The following DNAH8 variants were observed in gnomAD, a reference collection of about 807,000 sequenced individuals.
DNAH8 encodes dynein axonemal heavy chain 8.
In DNAH8, 382 loss-of-function variants were observed where a neutral mutation model predicts 562.1. That is an observed-to-expected ratio of 0.68 (90% CI 0.63 to 0.74). The LOEUF is 0.74. Ranked by LOEUF, DNAH8 falls within the 30% of genes least tolerant of loss-of-function variation. The pLI is 0.00. For synonymous variants in DNAH8, 1,881 were observed against 1,919.4 expected, an observed-to-expected ratio of 0.98 and a Z score of 0.52; for missense variants, 5,203 against 5,620.4, an observed-to-expected ratio of 0.93 and a Z score of 2.37.
chr6:38,814,765 A>G (rs1032380599), intron 25 of DNAH8, among the ~76,000 whole-genome samples: 3 of 152,162 alleles, frequency 2.0e-5, no homozygotes, highest in Non-Finnish European at 1.5e-5. Flanking sequence ...CCTCAAACAC[A>G]TGACTGTGAG....
intron 9 of DNAH8, among the ~76,000 whole-genome samples, chr6:38,754,062 A>G (rs1427720310): frequency 6.6e-6 from 1 of 152,034 alleles, no homozygotes; most frequent in Non-Finnish European, 1.5e-5. Context: ...TCATGCTTCC[A>G]TTTCTGGTTC....
At chr6:38,805,672 T>C in intron 23 of DNAH8, 76 bp downstream of exon 23, 1 of 768,972 alleles carries the variant, frequency 1.3e-6, no homozygotes, top group Non-Finnish European at 2.1e-6. Context: ...CATATGGTGC[T>C]TTTTCCAGGC....
At chr6:38,796,655 T>C (rs1413008868) in intron 21 of DNAH8, among the ~76,000 whole-genome samples, 1 of 152,200 alleles carries the variant, frequency 6.6e-6, no homozygotes, top group Non-Finnish European at 1.5e-5. Context: ...CTGTTCTGTT[T>C]CGTTCTGATT....
Position 38,770,535 on chromosome 6 carries a change from A to G in DNAH8, c.1740A>G (p.Glu580=), listed in dbSNP as rs1406894172. Residue 580 remains glutamate (E), a synonymous_variant, in exon 12 of 93, where the codon GAA becomes GAG. Transcript: ENST00000327475. ...VSEMYIFGKF[E]AFCKRLEKIT... is the part of the protein sequence containing the mutation. ...AAATGTATATATTTGGAAAATTTGA[A>G]GCTTTTTGCAAAAGACTGGAGAAGG... 7 of 1,602,240 alleles carry G rather than the reference A, an allele frequency of 4.4e-6. No homozygotes were observed. In the South Asian group the frequency reaches 7.9e-5, roughly 18 times the overall value.
intron 17 of DNAH8, 24 bp from the exon 18 acceptor site, chr6:38,786,741 A>C: frequency 6.2e-7 from 1 of 1,604,136 alleles, no homozygotes; most frequent in East Asian, 2.2e-5. Context: ...AGAATGAGTA[A>C]TGTCAATCAT....
intron 5 of DNAH8, among the ~76,000 whole-genome samples, chr6:38,735,704 AAAT>A: frequency 6.6e-6 from 1 of 152,330 alleles, no homozygotes; most frequent in Non-Finnish European, 1.5e-5. Context: ...TCCTTTTATG[AAAT>A]AGTATAAGTC....
chr6:38,731,219 T>A (rs1763638004), intron 4 of DNAH8, among the ~76,000 whole-genome samples: 1 of 152,208 alleles, frequency 6.6e-6, no homozygotes. Context: ...AGCTGAAAAT[T>A]ATAGAAAGAT....
rs547611484 is a variant in DNAH8 at position 38,790,625 on chromosome 6, C to T, written c.2781+220C>T. Among the ~76,000 whole-genome samples, 8 of 152,026 alleles carry T rather than the reference C, an allele frequency of 5.3e-5. No individual in the cohort carries two copies. In the East Asian group the frequency reaches 1.4e-3, roughly 26 times the overall value. ...GGATCACGAGGTCAGGAGTTTGAGA[C>T]CAGCCTGGCCAACATGGTGAAACCC... On this transcript the variant is annotated intron_variant, in intron 20 of 92. Coordinates refer to ENST00000327475, the MANE Select transcript of DNAH8 (RefSeq NM_001206927.2).
intron 22 of DNAH8, among the ~76,000 whole-genome samples, chr6:38,804,760 A>AAT (rs1491414468): frequency 1.3e-5 from 1 of 75,478 alleles, no homozygotes; most frequent in African/African-American, 1.1e-4. Flanking sequence ...CATAGCAAGA[A>AAT]GAGAGAGAGA....
rs76970212 is a variant in DNAH8, at chr6:38,862,636, A to G, written c.6310+178A>G. ...AATGGCTGGATATCAACAGTTTCAT[A>G]TGGTTCAATACTATTGCTAGTGTTA... On this transcript the variant is annotated intron_variant, in intron 44 of 92. Coordinates refer to ENST00000327475, the MANE Select transcript of DNAH8 (RefSeq NM_001206927.2). Among the ~76,000 whole-genome samples the G allele has an allele frequency of 0.01, 1,564 of 152,268 alleles. 89 individuals carry two copies. The East Asian group carries it at 0.15, about 14-fold the overall frequency.
rs200859037 is a variant in DNAH8, at chr6:39,030,230, T to G, written c.13962T>G (p.Ile4654Met). 113 of 1,614,022 alleles carry G rather than the reference T, an allele frequency of 7.0e-5. No individual in the cohort carries two copies. Among genetic ancestry groups the G allele is most frequent in the Non-Finnish European group, 8.6e-5 (102 of 1,180,032 alleles). ...TQLPVLHIFA[I>M]NSTAPKDPKL... The stretch of plus-strand genomic sequence containing the variant: ...TACCCGTGCTCCACATCTTTGCCAT[T>G]AACTCCACGGCACCCAAGGACCCCA... The change falls in exon 93 of 93, where the codon ATT (isoleucine) becomes ATG (methionine). Residue 4654 changes from isoleucine (I) to methionine (M), a missense_variant. Coordinates refer to ENST00000327475, the MANE Select transcript of DNAH8 (RefSeq NM_001206927.2).
intron 88 of DNAH8, among the ~76,000 whole-genome samples, chr6:39,002,357 A>G (rs7755534): frequency 0.014 from 2,103 of 152,326 alleles, 56 homozygotes; most frequent in African/African-American, 0.048. Context: ...TAAATTTCTG[A>G]AAATGTATAT....
At chr6:38,820,024 A>C (rs575557084) in intron 26 of DNAH8, among the ~76,000 whole-genome samples, 6 of 152,352 alleles carry the variant, frequency 3.9e-5, no homozygotes, top group African/African-American at 1.4e-4. Flanking sequence ...ATGTAATACA[A>C]TTCCAAAGAA....
intron 45 of DNAH8, among the ~76,000 whole-genome samples, chr6:38,864,763 T>C (rs1776915797): frequency 6.6e-6 from 1 of 152,212 alleles, no homozygotes; most frequent in Non-Finnish European, 1.5e-5. Flanking sequence ...TTCTCTCACA[T>C]GTACACTGTA....
chr6:38,956,763 A>C (rs1220364791), intron 82 of DNAH8, among the ~76,000 whole-genome samples: 1 of 152,216 alleles, frequency 6.6e-6, no homozygotes, highest in Non-Finnish European at 1.5e-5. Context: ...ACAAAGCAAA[A>C]ACCTATATTA....
At chr6:38,853,149 A>G in intron 40 of DNAH8, 37 bp from the exon 41 acceptor site, 1 of 1,549,184 alleles carries the variant, frequency 6.5e-7, no homozygotes, top group Non-Finnish European at 8.8e-7. Flanking sequence ...ATGCCAAATT[A>G]TTATCAATTT....
chr6:38,838,758 A>G (rs1357500449), intron 33 of DNAH8, among the ~76,000 whole-genome samples: 1 of 152,228 alleles, frequency 6.6e-6, no homozygotes, highest in East Asian at 1.9e-4. Context: ...TAGACATAGA[A>G]TTTATTGAGA....
chr6:38,758,993 A>C (rs945729023), intron 10 of DNAH8, among the ~76,000 whole-genome samples: 11 of 152,046 alleles, frequency 7.2e-5, no homozygotes, highest in African/African-American at 2.7e-4. Context: ...TTTTAAAATA[A>C]TTTGAGAAAT....
At position 38,783,321 on chromosome 6, in the gene DNAH8, GA is replaced by G. The variant is rs1398115904; in HGVS notation, c.2395+186del. Among the ~76,000 whole-genome samples, 5 of 152,136 alleles carry G rather than the reference GA, an allele frequency of 3.3e-5. No individual in the cohort carries two copies. In the East Asian group the frequency reaches 9.6e-4, roughly 29 times the overall value. ...TTAATAATATTCTGATTTTATAAGTGAAAATGATCATGACCTTGAAGATGAC... is the reference window on the plus strand; with the variant it reads ...TTAATAATATTCTGATTTTATAAGTGAAATGATCATGACCTTGAAGATGAC... On this transcript the variant is annotated intron_variant, in intron 17 of 92. Coordinates refer to ENST00000327475, the MANE Select transcript of DNAH8 (RefSeq NM_001206927.2).
Sources: allele counts gnomAD v4.1 joint callset (sites outside exome capture counted in the v4.1 genomes callset), GRCh38; gene constraint gnomAD v4.1.1; transcripts MANE v1.5; gene names NCBI Gene and HGNC (gene_info 2026-07-23, HGNC 2026-07-21).